Variants in CCNI2 observed in about 807,000 individuals in gnomAD.
The protein encoded by CCNI2 is cyclin I family member 2.
Under a neutral mutation model 33.2 loss-of-function variants are expected in CCNI2, and 32 were observed. The observed-to-expected ratio is 0.96, with a 90% confidence interval of 0.73 to 1.30. The LOEUF is 1.30. Ranked by LOEUF, CCNI2 falls within the 50% of genes most tolerant of loss-of-function variation. The pLI is 0.00. For synonymous variants in CCNI2, 231 were observed against 219.9 expected (o/e 1.05, Z -0.45); for missense variants, 452 against 486.2 (o/e 0.93, Z 0.66).
chr5:132,751,255 TTC>T, intron 4 of CCNI2: 1 of 396,634 alleles, frequency 2.5e-6, no homozygotes, highest in Non-Finnish European at 4.5e-6. Context: ...TATGGTGAGT[TTC>T]TCTTTTAAAT....
At chr5:132,748,192 C>T (rs1217653781) in intron 1 of CCNI2, among the ~76,000 whole-genome samples, 155 bp from the exon 2 acceptor site, 1 of 152,200 alleles carries the variant, frequency 6.6e-6, no homozygotes, top group East Asian at 1.9e-4. Context: ...GGGTGAGCCG[C>T]TGCGCCGGGG....
downstream of CCNI2, chr5:132,755,863 A>G (rs1381604587): frequency 1.5e-6 from 1 of 681,924 alleles, no homozygotes; most frequent in Non-Finnish European, 1.8e-6. Context: ...TTCCTATTAA[A>G]ACAATTCCTA....
At chr5:132,750,809 T>C in intron 3 of CCNI2, 48 bp from the exon 4 acceptor site, 1 of 1,590,758 alleles carries the variant, frequency 6.3e-7, no homozygotes, top group South Asian at 1.2e-5. Context: ...AAACAAAAGC[T>C]ACTATGACAT....
rs181420021 is a variant in CCNI2 at position 132,751,036 on chromosome 5, G to A, written c.774+39G>A. On this transcript the variant is annotated intron_variant, in intron 4 of 5. Transcript: ENST00000378731. ...TGTTTACAGAGTCTACCCTAAACTC[G>A]TTTGTGCCTTTGGAACAGCTGTTTA... 2.1e-4 allele frequency: 341 copies of A among 1,603,830 alleles called. 6 individuals are homozygous for A. The South Asian group carries it at 3.4e-3, about 16-fold the overall frequency.
chr5:132,747,987 T>G lies in CCNI2; in HGVS notation c.429+63T>G. On this transcript the variant is annotated intron_variant, in intron 1 of 5. Transcript: ENST00000378731. This position sits in a 1 kb window ranked among gnomAD's most constrained non-coding sequence, Gnocchi z 4.1. ...ACGGCAGGCGGATGTGGCCTCCACC[T>G]GCACCCGCGCTCGGGTGTTCTGAAA... The G allele has an allele frequency of 7.5e-7, 1 of 1,339,116 alleles. No individual in the cohort carries two copies. The highest frequency in any genetic ancestry group is 9.6e-7 in the Non-Finnish European group (1 of 1,042,956). The allele number at this position is 1,339,116 out of a possible 1,614,324, so 83.0% of individuals were successfully genotyped here. A position where few individuals can be genotyped will look rare whatever the true frequency, so the allele number is the denominator to read the frequency against.
At chr5:132,748,198 CG>C in intron 1 of CCNI2, 148 bp from the exon 2 acceptor site, 37 of 1,163,412 alleles carry the variant, frequency 3.2e-5, no homozygotes, top group Non-Finnish European at 3.9e-5. Context: ...GCCGCTGCGC[CG>C]GGGGGCGCTT....
chr5:132,749,788 TG>T (rs1362435424), intron 3 of CCNI2, among the ~76,000 whole-genome samples: 1 of 152,198 alleles, frequency 6.6e-6, no homozygotes, highest in African/African-American at 2.4e-5. Flanking sequence ...CAAGCAATTA[TG>T]TCTAAGAAAG....
chr5:132,749,257 A>C (rs1754706791), intron 2 of CCNI2, 91 bp from the exon 3 acceptor site: 2 of 1,103,750 alleles, frequency 1.8e-6, no homozygotes, highest in South Asian at 1.3e-5. Context: ...CTCCATGTCA[A>C]AAAAGTGTAT....
At chr5:132,752,286 T>G in intron 5 of CCNI2, 90 bp downstream of exon 5, 1 of 1,382,912 alleles carries the variant, frequency 7.2e-7, no homozygotes, top group South Asian at 1.5e-5. Context: ...TTTGCCCTTG[T>G]AGCCTCTGGA....
chr5:132,755,967 C>T, downstream of CCNI2: 1 of 984,876 alleles, frequency 1.0e-6, no homozygotes, highest in Non-Finnish European at 1.2e-6. Flanking sequence ...AACGTTAAAT[C>T]AGAAAAGCTA....
chr5:132,755,652 T>C (rs1233897955), downstream of CCNI2, among the ~76,000 whole-genome samples: 1 of 152,176 alleles, frequency 6.6e-6, no homozygotes, highest in African/African-American at 2.4e-5. Context: ...ACTCGAATAT[T>C]AGTAGTCCCG....
intron 3 of CCNI2, 31 bp from the exon 4 acceptor site, chr5:132,750,826 G>C (rs775239023): frequency 9.3e-6 from 15 of 1,608,642 alleles, no homozygotes; most frequent in Non-Finnish European, 1.2e-5. Flanking sequence ...ACATGATGTA[G>C]GGCTTTGGCC....
chr5:132,752,885 G>C lies in CCNI2; in HGVS notation c.1025G>C (p.Ser342Thr). 1 of 1,613,900 alleles carries C rather than the reference G, an allele frequency of 6.2e-7. No homozygotes were observed. The highest frequency in any genetic ancestry group is 8.5e-7 in the Non-Finnish European group (1 of 1,179,836). Reference sequence around the variant, plus strand: ...ATACAGGTTGGTGATATGCAGTACAGCTGCTGCAAGGAACTTGTAATGCAG... The same window carrying C: ...ATACAGGTTGGTGATATGCAGTACACCTGCTGCAAGGAACTTGTAATGCAG... ...KKAQVGDMQY[S>T]CCKELVMQQL... The change falls in exon 6 of 6, where the codon AGC becomes ACC. Residue 342 changes from serine to threonine, a missense_variant. Physicochemically the swap from Ser to Thr is moderately conservative, Grantham distance 58. Coordinates refer to ENST00000378731, the MANE Select transcript of CCNI2 (RefSeq NM_001039780.4).
downstream of CCNI2, among the ~76,000 whole-genome samples, chr5:132,754,691 G>A (rs184296701): frequency 2.6e-5 from 4 of 152,280 alleles, no homozygotes; most frequent in African/African-American, 9.6e-5. Flanking sequence ...CAAGCTTGCC[G>A]TGGGGCCCCA....
chr5:132,752,271 T>TCAG, intron 5 of CCNI2, 75 bp downstream of exon 5: 2 of 1,450,956 alleles, frequency 1.4e-6, no homozygotes, highest in Non-Finnish European at 1.9e-6. Context: ...CCCAAAGGGG[T>TCAG]ACCCTTTGCC....
In CCNI2 at chr5:132,747,934, G is replaced by A. The variant is rs1274497227; in HGVS notation, c.429+10G>A. On this transcript the variant is annotated intron_variant, in intron 1 of 5. Transcript: ENST00000378731. This position sits in a 1 kb window ranked among gnomAD's most constrained non-coding sequence, Gnocchi z 4.1. ...GGGCGGCAAACCCCAGGTACCCGTCGCTGCCGCGTGGCCCTCCTCGCGCGT... is the reference window on the plus strand; with the variant it reads ...GGGCGGCAAACCCCAGGTACCCGTCACTGCCGCGTGGCCCTCCTCGCGCGT... 9 of 1,369,230 alleles carry A rather than the reference G, an allele frequency of 6.6e-6. No homozygotes were observed. Among genetic ancestry groups the A allele is most frequent in the African/African-American group, 1.5e-5 (1 of 65,328 alleles). The allele number at this position is 1,369,230 out of a possible 1,614,324, so 84.8% of individuals were successfully genotyped here.
At position 132,747,749 on chromosome 5, in the gene CCNI2, C is replaced by G; in HGVS notation, c.254C>G (p.Ala85Gly). The change falls in exon 1 of 6, where the codon GCC becomes GGC. Residue 85 changes from alanine to glycine, a missense_variant. Coordinates refer to ENST00000378731, the MANE Select transcript of CCNI2 (RefSeq NM_001039780.4). This position sits in a 1 kb window ranked among gnomAD's most constrained non-coding sequence, Gnocchi z 4.1. ...PVRPRRGTAP[A>G]GKTADAVPAA... ...CGGCCCCGGCGCGGTACGGCGCCAG[C>G]CGGGAAAACCGCAGACGCGGTCCCC... 1 of 1,469,622 alleles carries G rather than the reference C, an allele frequency of 6.8e-7. No individual in the cohort carries two copies. The highest frequency in any genetic ancestry group is 8.9e-7 in the Non-Finnish European group (1 of 1,118,852). 91.0% of individuals were successfully genotyped at this position (1,469,622 alleles called of 1,614,324 possible).
intron 3 of CCNI2, 93 bp downstream of exon 3, chr5:132,749,515 A>G (rs1162488630): frequency 2.9e-6 from 3 of 1,024,512 alleles, no homozygotes; most frequent in Non-Finnish European, 4.6e-6. Context: ...CTGTGCCCTT[A>G]GGTATGGTGG....
intron 3 of CCNI2, 79 bp from the exon 4 acceptor site, chr5:132,750,778 G>A (rs1754777126): frequency 2.1e-6 from 3 of 1,455,132 alleles, no homozygotes; most frequent in Non-Finnish European, 9.4e-7. Context: ...GGTCATGAAT[G>A]CCCAGTCCCC....
Sources: allele counts gnomAD v4.1 joint callset (sites outside exome capture counted in the v4.1 genomes callset), GRCh38; gene constraint gnomAD v4.1.1; non-coding constraint Gnocchi (gnomAD v3.1); transcripts MANE v1.5; gene names NCBI Gene and HGNC (gene_info 2026-07-23, HGNC 2026-07-21).